SRPK2: variants seen among roughly 807,000 people sequenced by gnomAD.
SRPK2 encodes the protein SFRS protein kinase 2.
A neutral mutation model predicts 90.8 loss-of-function variants in SRPK2; 21 were observed. That is an observed-to-expected ratio of 0.23 (90% CI 0.16 to 0.33). The LOEUF (loss-of-function observed/expected upper bound fraction) is 0.33. Ranked by LOEUF, SRPK2 falls within the 10% of genes least tolerant of loss-of-function variation. The pLI, the probability that SRPK2 is intolerant of heterozygous loss-of-function variation, is 1.00. For synonymous variants in SRPK2, 288 were observed against 311.1 expected (o/e 0.93, Z 0.78); for missense variants, 620 against 869.0 (o/e 0.71, Z 3.60).
chr7:105,330,342 T>A (rs983618917), intron 2 of SRPK2, among the ~76,000 whole-genome samples: 1 of 149,632 alleles, frequency 6.7e-6, no homozygotes, highest in African/African-American at 2.5e-5. Context: ...GTCTCAAAAA[T>A]AAATAAATAA....
intron 2 of SRPK2, among the ~76,000 whole-genome samples, chr7:105,231,597 C>A (rs1337812788): frequency 2.0e-5 from 3 of 152,138 alleles, no homozygotes; most frequent in Admixed American, 6.5e-5. Flanking sequence ...GGCTTTTTAA[C>A]CATAGTCATT....
intron 3 of SRPK2, among the ~76,000 whole-genome samples, chr7:105,175,444 A>G (rs1430111879): frequency 1.3e-5 from 2 of 152,170 alleles, no homozygotes; most frequent in Non-Finnish European, 2.9e-5. Context: ...AAGTAATCTT[A>G]GTTTCCACCT....
At chr7:105,337,314 G>A (rs1032483922) in intron 2 of SRPK2, among the ~76,000 whole-genome samples, 4 of 150,586 alleles carry the variant, frequency 2.7e-5, no homozygotes, top group Non-Finnish European at 5.9e-5. Flanking sequence ...GGCTCATGAA[G>A]GGATTTTTTT....
chr7:105,288,538 G>A (rs1477116729), intron 2 of SRPK2, among the ~76,000 whole-genome samples: 2 of 152,050 alleles, frequency 1.3e-5, no homozygotes, highest in African/African-American at 2.4e-5. Flanking sequence ...AGGTTGCAGT[G>A]AGCCAAGAAT....
intron 2 of SRPK2, among the ~76,000 whole-genome samples, chr7:105,233,909 A>T (rs1799824803): frequency 6.6e-6 from 1 of 152,146 alleles, no homozygotes; most frequent in African/African-American, 2.4e-5. Context: ...ATTTTTTTGG[A>T]AACTATTACA....
intron 9 of SRPK2, 24 bp downstream of exon 9, chr7:105,145,259 A>G (rs1562983067): frequency 6.4e-7 from 1 of 1,561,820 alleles, no homozygotes; most frequent in East Asian, 2.3e-5. Context: ...TGGTGCATAT[A>G]AAGTAATATG....
Position 105,203,677 on chromosome 7 carries a change from G to T in SRPK2, c.180C>A (p.Ile60=), listed in dbSNP as rs1795839284. 1 of 1,557,464 alleles carries T rather than the reference G, an allele frequency of 6.4e-7. No individual in the cohort carries two copies. The highest frequency in any genetic ancestry group is 8.7e-7 in the Non-Finnish European group (1 of 1,155,248). Residue 60 remains isoleucine (I), a synonymous_variant, in exon 3 of 16, where the codon ATC becomes ATA. Transcript: ENST00000393651. ...DPTPPEPEEE[I]LGSDDEEQED... Reference sequence around the variant, plus strand: ...CTTGCTCCTCATCATCTGATCCCAGGATCTCCTCCTCTGGCTCCGGGGGTG... The same window carrying T: ...CTTGCTCCTCATCATCTGATCCCAGTATCTCCTCCTCTGGCTCCGGGGGTG...
chr7:105,192,879 C>A (rs1794476976), intron 3 of SRPK2, among the ~76,000 whole-genome samples: 1 of 151,956 alleles, frequency 6.6e-6, no homozygotes, highest in South Asian at 2.1e-4. Flanking sequence ...CCTTAGCCCA[C>A]TTTTTCATGG....
intron 5 of SRPK2, 56 bp downstream of exon 5, chr7:105,167,952 G>A: frequency 1.4e-6 from 2 of 1,421,492 alleles, no homozygotes; most frequent in South Asian, 2.6e-5. Flanking sequence ...AAATCTTTCT[G>A]TAAAATTTTA....
chr7:105,291,305 A>AT (rs941381319), intron 2 of SRPK2, among the ~76,000 whole-genome samples: 5 of 152,202 alleles, frequency 3.3e-5, no homozygotes, highest in African/African-American at 1.2e-4. Flanking sequence ...TTGCCAAAGT[A>AT]TTTTCACTCA....
At chr7:105,399,120 T>G (rs993317496) in intron 1 of SRPK2, 1 of 152,184 alleles carries the variant, frequency 6.6e-6, no homozygotes, top group Non-Finnish European at 1.5e-5. Context: ...TCTCCCAAAT[T>G]TAGTAGCTTA....
chr7:105,300,932 G>A (rs1810470499), intron 2 of SRPK2, among the ~76,000 whole-genome samples: 1 of 152,200 alleles, frequency 6.6e-6, no homozygotes, highest in Admixed American at 6.5e-5. Context: ...CTGTAAACTA[G>A]TTCAACCGTC....
chr7:105,211,245 T>A (rs1461595711), intron 2 of SRPK2, among the ~76,000 whole-genome samples: 2 of 145,944 alleles, frequency 1.4e-5, no homozygotes, highest in South Asian at 2.2e-4. Flanking sequence ...AAAGATCTGA[T>A]TTTTTTTTTT....
chr7:105,386,539 C>G (rs1821630453), intron 2 of SRPK2, among the ~76,000 whole-genome samples: 3 of 151,626 alleles, frequency 2.0e-5, no homozygotes, highest in Admixed American at 1.3e-4. Context: ...CATGGTGAAA[C>G]CCCGTCTCTA....
chr7:105,272,880 T>C (rs909769569), intron 2 of SRPK2, among the ~76,000 whole-genome samples: 1 of 152,144 alleles, frequency 6.6e-6, no homozygotes, highest in African/African-American at 2.4e-5. Flanking sequence ...AAACCTGAAA[T>C]GTTTGAGGGA....
chr7:105,350,755 C>T (rs1817077595), intron 2 of SRPK2, among the ~76,000 whole-genome samples: 1 of 150,438 alleles, frequency 6.6e-6, no homozygotes, highest in Non-Finnish European at 1.5e-5. Flanking sequence ...CTCCTGACCT[C>T]CCCACCTTGG....
intron 2 of SRPK2, among the ~76,000 whole-genome samples, chr7:105,252,876 T>A (rs1802675100): frequency 6.6e-6 from 1 of 151,074 alleles, no homozygotes; most frequent in South Asian, 2.1e-4. Context: ...CCCGAGAAAG[T>A]GGGACTATAG....
chr7:105,144,813 C>A (rs1401189658), intron 9 of SRPK2, among the ~76,000 whole-genome samples: 3 of 152,098 alleles, frequency 2.0e-5, no homozygotes, highest in Non-Finnish European at 2.9e-5. Context: ...ATCATTAAAA[C>A]TTAACAAGAC....
chr7:105,152,306 T>G (rs929040666), intron 7 of SRPK2, among the ~76,000 whole-genome samples: 12 of 152,000 alleles, frequency 7.9e-5, no homozygotes, highest in African/African-American at 2.9e-4. Context: ...CATGTCACCA[T>G]GCCCAGCTAC....
Sources: allele counts gnomAD v4.1 joint callset (sites outside exome capture counted in the v4.1 genomes callset), GRCh38; gene constraint gnomAD v4.1.1; transcripts MANE v1.5; gene names NCBI Gene and HGNC (gene_info 2026-07-23, HGNC 2026-07-21).